REDIC1: variants seen among roughly 807,000 people sequenced by gnomAD.
The protein encoded by REDIC1 is HEI10 Interacting Protein 1.
At chr12:39,850,062 C>T in the REDIC1 span, among the ~76,000 whole-genome samples, 1 of 152,122 alleles carries the variant, frequency 6.6e-6, no homozygotes, top group Non-Finnish European at 1.5e-5. Context: ...TGCACACATG[C>T]TATCCCTCTT....
the REDIC1 span, among the ~76,000 whole-genome samples, chr12:39,777,897 T>C: frequency 1.3e-5 from 2 of 152,210 alleles, no homozygotes; most frequent in African/African-American, 2.4e-5. Flanking sequence ...GCAAGATCCC[T>C]AGGATACAGA....
chr12:39,837,698 C>T, the REDIC1 span, among the ~76,000 whole-genome samples: 1 of 152,114 alleles, frequency 6.6e-6, no homozygotes, highest in Non-Finnish European at 1.5e-5. Context: ...ACAGACACTT[C>T]TCAAAAGAAG....
At chr12:39,711,591 ATATGTGTATACACATGCATGTGTATG>A in the REDIC1 span, among the ~76,000 whole-genome samples, 2 of 26,062 alleles carry the variant, frequency 7.7e-5, no homozygotes, top group African/African-American at 1.5e-4. Context: ...ATGCATGTGT[ATATGTGTATACACATGCATGTGTATG>A]TGTATACACG....
At chr12:39,832,184 G>A in the REDIC1 span, among the ~76,000 whole-genome samples, 1 of 152,106 alleles carries the variant, frequency 6.6e-6, no homozygotes, top group Admixed American at 6.6e-5. Context: ...GACAACTGAA[G>A]GCTTTAGAAG....
At chr12:39,875,809 T>C in the REDIC1 span, among the ~76,000 whole-genome samples, 1 of 152,294 alleles carries the variant, frequency 6.6e-6, no homozygotes, top group East Asian at 1.9e-4. Flanking sequence ...TACATTCCAA[T>C]GTTTTCATAA....
At chr12:39,719,178 T>C in the REDIC1 span, among the ~76,000 whole-genome samples, 7 of 152,148 alleles carry the variant, frequency 4.6e-5, no homozygotes, top group African/African-American at 7.2e-5. Flanking sequence ...TTTAATAGCA[T>C]GTTCTCAGCA....
At chr12:39,804,023 A>G in the REDIC1 span, among the ~76,000 whole-genome samples, 11 of 152,306 alleles carry the variant, frequency 7.2e-5, no homozygotes, top group African/African-American at 2.4e-4. Context: ...GTCTGAATTC[A>G]TTAAAAAAAA....
the REDIC1 span, among the ~76,000 whole-genome samples, chr12:39,657,550 T>A: frequency 6.6e-6 from 1 of 152,322 alleles, no homozygotes; most frequent in East Asian, 1.9e-4. Flanking sequence ...CAGTTTTAAG[T>A]TTTTACTGAA....
At chr12:39,674,042 T>G in the REDIC1 span, among the ~76,000 whole-genome samples, 3 of 152,236 alleles carry the variant, frequency 2.0e-5, no homozygotes, top group Non-Finnish European at 4.4e-5. Context: ...GTTTAACAAG[T>G]TGGACTTACT....
the REDIC1 span, among the ~76,000 whole-genome samples, chr12:39,678,798 A>G: frequency 6.6e-6 from 1 of 152,182 alleles, no homozygotes; most frequent in African/African-American, 2.4e-5. Context: ...TTTAACACAC[A>G]TAAGTCAATA....
chr12:39,665,339 C>T, the REDIC1 span, among the ~76,000 whole-genome samples: 1 of 152,150 alleles, frequency 6.6e-6, no homozygotes, highest in Admixed American at 6.6e-5. Context: ...AATCGTTTCC[C>T]CATTTCTTGT....
the REDIC1 span, chr12:39,755,651 C>A: frequency 6.6e-6 from 1 of 151,968 alleles, no homozygotes; most frequent in Non-Finnish European, 1.5e-5. Context: ...GCTGCATGAT[C>A]CACTTCTTTT....
At chr12:39,746,696 C>A in the REDIC1 span, among the ~76,000 whole-genome samples, 1 of 152,186 alleles carries the variant, frequency 6.6e-6, no homozygotes, top group Non-Finnish European at 1.5e-5. Context: ...AGACTGACAC[C>A]TCACACGGCT....
chr12:39,734,066 C>T, the REDIC1 span, among the ~76,000 whole-genome samples: 66 of 152,290 alleles, frequency 4.3e-4, no homozygotes, highest in African/African-American at 1.3e-3. Context: ...TCCTGGTTTG[C>T]GGGTTGTGAA....
the REDIC1 span, among the ~76,000 whole-genome samples, chr12:39,818,286 AT>A: frequency 6.6e-6 from 1 of 151,004 alleles, no homozygotes; most frequent in African/African-American, 2.4e-5. Flanking sequence ...GAAAAAAAAA[AT>A]GAGTTGGGGG....
chr12:39,663,848 G>A, the REDIC1 span, among the ~76,000 whole-genome samples: 1 of 151,974 alleles, frequency 6.6e-6, no homozygotes, highest in Non-Finnish European at 1.5e-5. Context: ...ATCTAGTGGT[G>A]ATGAATCTCC....
the REDIC1 span, among the ~76,000 whole-genome samples, chr12:39,699,913 G>A: frequency 6.6e-6 from 1 of 152,230 alleles, no homozygotes; most frequent in Admixed American, 6.5e-5. Context: ...TAACAGAAAG[G>A]ACATCCACAC....
chr12:39,826,184 C>T, the REDIC1 span, among the ~76,000 whole-genome samples: 3 of 151,938 alleles, frequency 2.0e-5, no homozygotes, highest in Non-Finnish European at 2.9e-5. Flanking sequence ...AAAAGAATGA[C>T]ATTCTCTACT....
At chr12:39,818,215 C>T in the REDIC1 span, among the ~76,000 whole-genome samples, 1 of 152,062 alleles carries the variant, frequency 6.6e-6, no homozygotes, top group Non-Finnish European at 1.5e-5. Flanking sequence ...ATCTGATTCC[C>T]CCAGTCATGT....
Sources: gnomAD v4.1 joint callset for allele counts (sites outside exome capture counted in the v4.1 genomes callset) on GRCh38, gnomAD v4.1.1 for gene constraint, MANE v1.5 for transcripts, NCBI Gene and HGNC (gene_info 2026-07-23, HGNC 2026-07-21) for gene names.